DNM3: variants seen among roughly 807,000 people sequenced by gnomAD.
DNM3 encodes the protein dynamin-3.
DNM3 carries 47 observed loss-of-function variants against 101.6 expected under a neutral mutation model. That is an observed-to-expected ratio of 0.46 (90% CI 0.37 to 0.59). DNM3 has a LOEUF of 0.59. Among genes scored for constraint, DNM3 ranks in the 20% least tolerant of loss-of-function variants. The pLI is 0.00. For missense variants in DNM3, 849 were observed against 1,085.7 expected, an observed-to-expected ratio of 0.78 and a Z score of 3.06; for synonymous variants, 385 against 387.9, an observed-to-expected ratio of 0.99 and a Z score of 0.09.
At chr1:172,292,871 G>T (rs2586400) in intron 15 of DNM3, among the ~76,000 whole-genome samples, 15,257 of 152,074 alleles carry the variant, frequency 0.1, 1,053 homozygotes, top group African/African-American at 0.2. Context: ...ATTAACATAT[G>T]AAAAAAAGTT....
At chr1:172,253,518 T>G in intron 14 of DNM3, 55 bp from the exon 15 acceptor site, 1 of 1,138,340 alleles carries the variant, frequency 8.8e-7, no homozygotes, top group Non-Finnish European at 1.2e-6. Flanking sequence ...TCCTCTCCTC[T>G]CCTCTCCTCT....
intron 15 of DNM3, among the ~76,000 whole-genome samples, chr1:172,260,720 G>A (rs2062609920): frequency 6.6e-6 from 1 of 151,748 alleles, no homozygotes; most frequent in Non-Finnish European, 1.5e-5. Flanking sequence ...ATCCTGAATT[G>A]TTTTTCTGAT....
chr1:172,269,869 A>C (rs2063014969), intron 15 of DNM3, among the ~76,000 whole-genome samples: 1 of 152,184 alleles, frequency 6.6e-6, no homozygotes, highest in Admixed American at 6.5e-5. Flanking sequence ...AGAGCTCTTC[A>C]GAAATGAATA....
chr1:172,196,846 A>G (rs921134340), intron 14 of DNM3, among the ~76,000 whole-genome samples: 18 of 152,150 alleles, frequency 1.2e-4, no homozygotes, highest in Middle Eastern at 3.4e-3. Context: ...ATTTTCTCCC[A>G]TTCTGTAGGT....
At chr1:172,095,851 T>G (rs986260988) in intron 13 of DNM3, among the ~76,000 whole-genome samples, 2 of 152,222 alleles carry the variant, frequency 1.3e-5, no homozygotes, top group African/African-American at 4.8e-5. Context: ...TGTCAGCAAA[T>G]GTACAAAAAA....
At chr1:172,344,688 G>A (rs2066852133) in intron 17 of DNM3, among the ~76,000 whole-genome samples, 1 of 152,154 alleles carries the variant, frequency 6.6e-6, no homozygotes, top group African/African-American at 2.4e-5. Flanking sequence ...CTGAACCACA[G>A]TCAGATCTAC....
intron 1 of DNM3, among the ~76,000 whole-genome samples, chr1:171,852,505 A>G (rs1281778623): frequency 6.6e-6 from 1 of 152,218 alleles, no homozygotes; most frequent in Non-Finnish European, 1.5e-5. Flanking sequence ...TCCAGTGGGT[A>G]CAGGATTGCT....
At chr1:172,238,826 GAAA>G (rs756914661) in intron 14 of DNM3, among the ~76,000 whole-genome samples, 2 of 139,148 alleles carry the variant, frequency 1.4e-5, no homozygotes, top group African/African-American at 5.3e-5. Context: ...TTCAGGATAA[GAAA>G]AAAAAAAAAC....
intron 14 of DNM3, among the ~76,000 whole-genome samples, chr1:172,215,159 T>C (rs907595664): frequency 6.6e-6 from 1 of 152,126 alleles, no homozygotes. Flanking sequence ...CTGGCCAATA[T>C]GTGTAGACTC....
intron 2 of DNM3, among the ~76,000 whole-genome samples, chr1:171,957,199 C>CT (rs377678762): frequency 0.2 from 27,044 of 138,300 alleles, 3,544 homozygotes; most frequent in South Asian, 0.38. Flanking sequence ...TTCTTTCTTT[C>CT]TTTTTTTTTT....
chr1:172,209,574 G>A (rs931344207), intron 14 of DNM3, among the ~76,000 whole-genome samples: 1 of 151,904 alleles, frequency 6.6e-6, no homozygotes, highest in African/African-American at 2.4e-5. Context: ...ATTGCTATTT[G>A]CATTAAGCAA....
At chr1:171,927,811 G>A (rs913387532) in intron 2 of DNM3, among the ~76,000 whole-genome samples, 3 of 152,182 alleles carry the variant, frequency 2.0e-5, no homozygotes, top group Admixed American at 6.5e-5. Context: ...ATCTTTGTTT[G>A]TGTCCATATT....
chr1:172,193,280 T>A (rs968859466), intron 14 of DNM3, among the ~76,000 whole-genome samples: 3 of 152,144 alleles, frequency 2.0e-5, no homozygotes, highest in Non-Finnish European at 4.4e-5. Context: ...CATTGATGAT[T>A]TTTGCATCGA....
intron 15 of DNM3, among the ~76,000 whole-genome samples, chr1:172,271,430 C>CT (rs889470804): frequency 6.6e-6 from 1 of 151,690 alleles, no homozygotes; most frequent in African/African-American, 2.4e-5. Flanking sequence ...AAAAGAGTGG[C>CT]TTTTTTTTAC....
At chr1:171,940,909 A>ATT (rs1220217998) in intron 2 of DNM3, among the ~76,000 whole-genome samples, 1 of 152,224 alleles carries the variant, frequency 6.6e-6, no homozygotes, top group Admixed American at 6.5e-5. Flanking sequence ...ACATAAATAT[A>ATT]TTTAAATATG....
intron 14 of DNM3, among the ~76,000 whole-genome samples, chr1:172,204,282 C>G (rs2060253340): frequency 9.5e-6 from 1 of 105,660 alleles, no homozygotes; most frequent in South Asian, 2.7e-4. Context: ...TAAACTGATA[C>G]AAGCAGTGCA....
At chr1:172,101,534 A>C (rs187466730) in intron 13 of DNM3, among the ~76,000 whole-genome samples, 95 of 152,334 alleles carry the variant, frequency 6.2e-4, no homozygotes, top group African/African-American at 1.7e-3. Flanking sequence ...AAATGTGATA[A>C]TACTAGTTAG....
chr1:171,944,111 C>G (rs1169103149), intron 2 of DNM3, among the ~76,000 whole-genome samples: 1 of 152,034 alleles, frequency 6.6e-6, no homozygotes, highest in Non-Finnish European at 1.5e-5. Context: ...TGAAAGCAGC[C>G]ACAGACAATA....
intron 2 of DNM3, among the ~76,000 whole-genome samples, chr1:171,974,841 T>TC (rs1293800049): frequency 6.6e-6 from 1 of 151,830 alleles, no homozygotes; most frequent in Non-Finnish European, 1.5e-5. Context: ...TTTCTCCTCC[T>TC]CCTTCTCCCC....
Sources: gnomAD v4.1 joint callset for allele counts (sites outside exome capture counted in the v4.1 genomes callset) on GRCh38, gnomAD v4.1.1 for gene constraint, MANE v1.5 for transcripts, NCBI Gene and HGNC (gene_info 2026-07-23, HGNC 2026-07-21) for gene names.